Variants in FMN1 observed in about 807,000 individuals in gnomAD.
The protein encoded by FMN1 is formin-1.
FMN1 carries 110 observed loss-of-function variants against 132.4 expected under a neutral mutation model. The observed-to-expected ratio is 0.83, with a 90% CI of 0.71 to 0.97. The LOEUF (loss-of-function observed/expected upper bound fraction) is 0.97, where lower values mean the gene tolerates loss of function less well. FMN1 is among the 50% of genes least tolerant of loss of function. The probability of loss-of-function intolerance (pLI) is 0.00; values close to 1 mark genes in which losing one functional copy is unlikely to be tolerated. For missense variants in FMN1, 1,792 were observed against 1,705.3 expected, an observed-to-expected ratio of 1.05 and a Z score of -0.90; for synonymous variants, 722 against 651.7, an observed-to-expected ratio of 1.11 and a Z score of -1.64.
chr15:33,088,670 T>A, intron 5 of FMN1, 129 bp downstream of exon 5: 1 of 836,312 alleles, frequency 1.2e-6, no homozygotes, highest in East Asian at 2.9e-5. Flanking sequence ...TGCAGCCCAC[T>A]GATTTTTTTT....
intron 5 of FMN1, among the ~76,000 whole-genome samples, chr15:33,083,155 G>C (rs564464456): frequency 6.6e-6 from 1 of 152,112 alleles, no homozygotes; most frequent in Non-Finnish European, 1.5e-5. Flanking sequence ...TCTTCATCTG[G>C]GTCCTGGACA....
At chr15:32,806,912 T>C (rs995727063) in intron 17 of FMN1, among the ~76,000 whole-genome samples, 1 of 152,170 alleles carries the variant, frequency 6.6e-6, no homozygotes, top group Non-Finnish European at 1.5e-5. Context: ...CTTCCTTCCA[T>C]AGCCTTCCCA....
intron 16 of FMN1, among the ~76,000 whole-genome samples, chr15:32,867,758 T>C (rs940004367): frequency 2.0e-4 from 30 of 152,230 alleles, no homozygotes; most frequent in Non-Finnish European, 1.6e-4. Context: ...CCCAAAGTGC[T>C]GGGATTACAG....
intron 6 of FMN1, among the ~76,000 whole-genome samples, chr15:33,059,592 A>C (rs559836359): frequency 6.6e-6 from 1 of 152,210 alleles, no homozygotes; most frequent in South Asian, 2.1e-4. Context: ...AAAAAATTTT[A>C]ATCCATCACT....
intron 20 of FMN1, among the ~76,000 whole-genome samples, chr15:32,774,641 C>A (rs1280211868): frequency 6.6e-6 from 1 of 152,144 alleles, no homozygotes; most frequent in African/African-American, 2.4e-5. Context: ...TTTCTGTTCT[C>A]TTCTTTTGTG....
intron 6 of FMN1, among the ~76,000 whole-genome samples, chr15:33,051,042 A>G (rs891212997): frequency 1.3e-5 from 2 of 152,232 alleles, no homozygotes; most frequent in African/African-American, 4.8e-5. Flanking sequence ...GTGCATATAC[A>G]AGTGTGTGAG....
chr15:33,017,049 T>C (rs527876236), intron 6 of FMN1, among the ~76,000 whole-genome samples: 90 of 152,222 alleles, frequency 5.9e-4, no homozygotes, highest in African/African-American at 2.0e-3. Context: ...GTCATCAATA[T>C]TGGCATCTCA....
intron 16 of FMN1, among the ~76,000 whole-genome samples, chr15:32,867,742 C>T (rs916186996): frequency 2.0e-5 from 3 of 152,186 alleles, no homozygotes; most frequent in Admixed American, 6.5e-5. Context: ...CTGCCCGCCT[C>T]GGCCTCCCAA....
chr15:33,107,106 A>T lies in FMN1; in HGVS notation c.1868-18132T>A, dbSNP rs1021219999. Among the ~76,000 whole-genome samples the T allele has an allele frequency of 2.6e-5, 4 of 151,858 alleles. No homozygotes were observed. In the South Asian group the frequency reaches 8.3e-4, roughly 31 times the overall value. ...TTTCCCACCTAATTAAATAGCTCTC[A>T]GTTTCTAAGATTAAAACCTGCTTCA... On this transcript the variant is annotated intron_variant, in intron 4 of 20. Transcript: ENST00000616417.
chr15:32,802,333 G>A (rs189299015), intron 18 of FMN1, among the ~76,000 whole-genome samples: 9 of 152,274 alleles, frequency 5.9e-5, no homozygotes, highest in South Asian at 2.1e-4. Context: ...GATCCAGAGC[G>A]GAACACATCC....
intron 7 of FMN1, among the ~76,000 whole-genome samples, chr15:32,985,927 A>G (rs980157629): frequency 2.0e-5 from 3 of 152,162 alleles, no homozygotes; most frequent in Admixed American, 2.0e-4. Context: ...TTCCCACTTC[A>G]ATAACATTAA....
At chr15:32,909,690 TAACA>T (rs1286423446) in intron 11 of FMN1, among the ~76,000 whole-genome samples, 1 of 152,198 alleles carries the variant, frequency 6.6e-6, no homozygotes, top group Non-Finnish European at 1.5e-5. Context: ...TTTTGTAGCC[TAACA>T]GTCAGTGAAC....
At position 33,022,275 on chromosome 15, in the gene FMN1, T is replaced by TG. The variant is rs550595941; in HGVS notation, c.2162-14201dup. ...CAAATGCAGAATCCGAGAATACAGATGGTCAATTGTACTTCATACTGAAAC... is the reference window on the plus strand; with the variant it reads ...CAAATGCAGAATCCGAGAATACAGATGGGTCAATTGTACTTCATACTGAAAC... On this transcript the variant is annotated intron_variant, in intron 6 of 20. Coordinates refer to ENST00000616417, the MANE Select transcript of FMN1 (RefSeq NM_001277313.2). Among the ~76,000 whole-genome samples, 299 of 152,296 alleles carry TG rather than the reference T, an allele frequency of 2.0e-3. 2 individuals carry two copies. The highest frequency in any genetic ancestry group is 6.9e-3 in the African/African-American group (286 of 41,566).
chr15:33,048,093 A>G (rs1487711400), intron 6 of FMN1, among the ~76,000 whole-genome samples: 1 of 151,628 alleles, frequency 6.6e-6, no homozygotes, highest in Non-Finnish European at 1.5e-5. Flanking sequence ...TGGGAAATAA[A>G]AAGTTTTAAA....
intron 6 of FMN1, among the ~76,000 whole-genome samples, chr15:33,025,260 A>C: frequency 6.6e-6 from 1 of 152,194 alleles, no homozygotes; most frequent in Non-Finnish European, 1.5e-5. Flanking sequence ...AATCAAAATG[A>C]TATGAAATAT....
At chr15:33,140,751 T>A (rs1013477633) in intron 4 of FMN1, among the ~76,000 whole-genome samples, 2 of 152,070 alleles carry the variant, frequency 1.3e-5, no homozygotes, top group African/African-American at 4.8e-5. Flanking sequence ...AGATGAGAAG[T>A]TTATCGTGGA....
chr15:33,089,371 G>A (rs59210462), intron 4 of FMN1, among the ~76,000 whole-genome samples: 4,279 of 152,282 alleles, frequency 0.028, 198 homozygotes, highest in African/African-American at 0.096. Context: ...GTTCTCCAGG[G>A]CAGGAACTGT....
At chr15:33,101,652 T>C (rs1477935998) in intron 4 of FMN1, among the ~76,000 whole-genome samples, 3 of 152,114 alleles carry the variant, frequency 2.0e-5, no homozygotes, top group Non-Finnish European at 4.4e-5. Flanking sequence ...ACAGCTATTT[T>C]TACCTGCCAT....
At chr15:33,060,568 G>C (rs2037435348) in intron 6 of FMN1, among the ~76,000 whole-genome samples, 1 of 152,184 alleles carries the variant, frequency 6.6e-6, no homozygotes, top group African/African-American at 2.4e-5. Flanking sequence ...GTCTGCTGGA[G>C]AGGCCACATG....
Sources: gnomAD v4.1 joint callset for allele counts (sites outside exome capture counted in the v4.1 genomes callset) on GRCh38, gnomAD v4.1.1 for gene constraint, MANE v1.5 for transcripts, NCBI Gene and HGNC (gene_info 2026-07-23, HGNC 2026-07-21) for gene names.